Variants in SUMF1 observed in about 807,000 individuals in gnomAD.
The protein encoded by SUMF1 is formylglycine-generating enzyme.
SUMF1 carries 48 observed loss-of-function variants against 47.6 expected under a neutral mutation model. The observed-to-expected ratio is 1.01, with a 90% CI of 0.80 to 1.28. The LOEUF (loss-of-function observed/expected upper bound fraction) is 1.28, where lower values mean the gene tolerates loss of function less well. Ranked by LOEUF, SUMF1 falls within the 50% of genes most tolerant of loss-of-function variation. The pLI is 0.00. For missense variants in SUMF1, 571 were observed against 485.4 expected, an observed-to-expected ratio of 1.18 and a Z score of -1.66; for synonymous variants, 230 against 192.1, an observed-to-expected ratio of 1.20 and a Z score of -1.63.
intron 3 of SUMF1, among the ~76,000 whole-genome samples, chr3:4,441,120 T>C (rs1033616103): frequency 7.2e-5 from 11 of 152,188 alleles, no homozygotes; most frequent in African/African-American, 2.7e-4. Flanking sequence ...CAAAGCTTCA[T>C]CTGTATTTAC....
chr3:4,339,305 G>T (rs1699220261), intron 8 of SUMF1, among the ~76,000 whole-genome samples: 1 of 152,152 alleles, frequency 6.6e-6, no homozygotes, highest in Non-Finnish European at 1.5e-5. Flanking sequence ...ATGCCCCACA[G>T]CTCAGGGGGT....
At chr3:4,069,691 G>C (rs1695472627) in intron 8 of SUMF1, among the ~76,000 whole-genome samples, 1 of 152,142 alleles carries the variant, frequency 6.6e-6, no homozygotes, top group Non-Finnish European at 1.5e-5. Flanking sequence ...AAGGGGTCTA[G>C]GGGGTCATGC....
chr3:4,388,963 A>G (rs1229355005), intron 7 of SUMF1, among the ~76,000 whole-genome samples: 1 of 152,206 alleles, frequency 6.6e-6, no homozygotes, highest in Non-Finnish European at 1.5e-5. Context: ...AGACAATGTT[A>G]TAATTTGTTT....
intron 8 of SUMF1, among the ~76,000 whole-genome samples, chr3:4,139,835 G>C (rs1182122316): frequency 1.3e-5 from 2 of 151,724 alleles, no homozygotes. Context: ...GTATAGACCA[G>C]TTCTGCAATG....
chr3:4,451,975 G>A (rs150582813), intron 2 of SUMF1, among the ~76,000 whole-genome samples: 1,791 of 152,094 alleles, frequency 0.012, 32 homozygotes, highest in African/African-American at 0.041. Flanking sequence ...GAGCCACCGC[G>A]CCTGGCCCAA....
rs372568077 is a variant in SUMF1, at chr3:4,181,096, T to A, written c.1015-112351A>T. ...ATAATCACAGGAATTTCTTTCCACA[T>A]AGAGGATAGTGGAAGAAAAGACTAG... On this transcript the variant is annotated intron_variant and NMD_transcript_variant, in intron 8 of 12. Transcript: ENST00000448413. Among the ~76,000 whole-genome samples the A allele has an allele frequency of 9.2e-5, 14 of 152,304 alleles. No individual in the cohort carries two copies. In the East Asian group the frequency reaches 1.9e-3, roughly 21 times the overall value.
chr3:4,189,291 A>G (rs1695266928), intron 8 of SUMF1, among the ~76,000 whole-genome samples: 1 of 152,144 alleles, frequency 6.6e-6, no homozygotes. Context: ...GCATTTTGCT[A>G]TCACCCACAA....
At chr3:4,150,741 C>T (rs1249821907) in intron 8 of SUMF1, among the ~76,000 whole-genome samples, 1 of 151,500 alleles carries the variant, frequency 6.6e-6, no homozygotes, top group Non-Finnish European at 1.5e-5. Flanking sequence ...TGAAAAGATG[C>T]ACTGGGAAGT....
intron 8 of SUMF1, among the ~76,000 whole-genome samples, chr3:4,193,861 T>C (rs992560837): frequency 1.6e-4 from 24 of 152,116 alleles, no homozygotes; most frequent in African/African-American, 5.1e-4. Context: ...GCCTACTTCA[T>C]GAAATTAAGA....
chr3:4,187,361 C>A (rs1233814858), intron 8 of SUMF1, among the ~76,000 whole-genome samples: 3 of 152,054 alleles, frequency 2.0e-5, no homozygotes, highest in Non-Finnish European at 2.9e-5. Context: ...AGAGTGAGAC[C>A]CTGTCTATAA....
At chr3:4,082,768 T>C (rs1459392233) in intron 8 of SUMF1, among the ~76,000 whole-genome samples, 1 of 152,096 alleles carries the variant, frequency 6.6e-6, no homozygotes, top group Non-Finnish European at 1.5e-5. Flanking sequence ...ACATCCTGTT[T>C]GGGGGAGATT....
intron 8 of SUMF1, among the ~76,000 whole-genome samples, chr3:4,281,718 T>C (rs114724973): frequency 2.6e-5 from 4 of 152,006 alleles, no homozygotes; most frequent in Non-Finnish European, 4.4e-5. Flanking sequence ...AAAATAAATA[T>C]ATGTATTTAC....
chr3:4,080,130 A>C (rs1463153270), intron 8 of SUMF1, among the ~76,000 whole-genome samples: 1 of 152,050 alleles, frequency 6.6e-6, no homozygotes, highest in East Asian at 1.9e-4. Flanking sequence ...TACAAACAGC[A>C]ATTCTTTACT....
chr3:4,368,262 A>C (rs1700046581), intron 8 of SUMF1, among the ~76,000 whole-genome samples: 1 of 152,220 alleles, frequency 6.6e-6, no homozygotes, highest in South Asian at 2.1e-4. Flanking sequence ...GCCATCAGAG[A>C]AATGCAAATC....
chr3:4,092,018 G>C (rs1358326747), intron 8 of SUMF1, among the ~76,000 whole-genome samples: 2 of 152,074 alleles, frequency 1.3e-5, no homozygotes, highest in East Asian at 3.9e-4. Context: ...ACATCAGCAA[G>C]GAGTAAAGGA....
intron 7 of SUMF1, among the ~76,000 whole-genome samples, chr3:4,380,742 G>A (rs1320876839): frequency 6.6e-6 from 1 of 152,150 alleles, no homozygotes; most frequent in Non-Finnish European, 1.5e-5. Context: ...TCCAATGCTT[G>A]CATGGTCGCA....
intron 8 of SUMF1, among the ~76,000 whole-genome samples, chr3:4,269,260 G>C (rs1417965147): frequency 6.6e-6 from 1 of 152,060 alleles, no homozygotes; most frequent in Non-Finnish European, 1.5e-5. Flanking sequence ...CCATGTTGCT[G>C]TGCTGCACCC....
chr3:4,360,556 C>G (rs749349418), downstream of SUMF1, among the ~76,000 whole-genome samples: 4 of 152,070 alleles, frequency 2.6e-5, no homozygotes, highest in Non-Finnish European at 5.9e-5. Context: ...TAATCTCGAA[C>G]TCCTGACCTT....
At chr3:4,311,220 A>G (rs73806997) in intron 8 of SUMF1, among the ~76,000 whole-genome samples, 1,738 of 152,236 alleles carry the variant, frequency 0.011, 39 homozygotes, top group African/African-American at 0.04. Context: ...TTTTTAGTGT[A>G]GGGTTTTGCA....
Sources: allele counts gnomAD v4.1 joint callset (sites outside exome capture counted in the v4.1 genomes callset), GRCh38; gene constraint gnomAD v4.1.1; transcripts MANE v1.5; gene names NCBI Gene and HGNC (gene_info 2026-07-23, HGNC 2026-07-21).